The following DNAH10 variants were observed in gnomAD, a reference collection of about 807,000 sequenced individuals.
The protein encoded by DNAH10 is axonemal beta dynein heavy chain 10.
In DNAH10, 348 loss-of-function variants were observed where a neutral mutation model predicts 506.6. The observed-to-expected ratio is 0.69, with a 90% CI of 0.63 to 0.75. DNAH10 has a LOEUF of 0.75. DNAH10 is among the 30% of genes least tolerant of loss of function. The probability of loss-of-function intolerance (pLI) is 0.00; values close to 1 mark genes in which losing one functional copy is unlikely to be tolerated. For missense variants in DNAH10, 5,179 were observed against 5,787.1 expected (o/e 0.89, Z 3.41); for synonymous variants, 2,059 against 2,198.6 (o/e 0.94, Z 1.78).
chr12:123,836,534 G>A (rs1208973107), intron 28 of DNAH10, among the ~76,000 whole-genome samples: 2 of 152,344 alleles, frequency 1.3e-5, no homozygotes, highest in African/African-American at 4.8e-5. Flanking sequence ...CACAGTGACT[G>A]TAGTTAGTGT....
chr12:123,814,105 T>A (rs1343292419), intron 21 of DNAH10, 193 bp downstream of exon 21: 2 of 523,722 alleles, frequency 3.8e-6, no homozygotes, highest in African/African-American at 4.0e-5. Context: ...TCAATCTGTA[T>A]GGCTCAAATG....
intron 14 of DNAH10, 140 bp from the exon 15 acceptor site, chr12:123,800,076 C>T (rs897959241): frequency 3.1e-6 from 2 of 651,874 alleles, no homozygotes; most frequent in African/African-American, 3.7e-5. Flanking sequence ...AATACATATT[C>T]CAGCCAGTTC....
intron 38 of DNAH10, among the ~76,000 whole-genome samples, chr12:123,859,514 A>G (rs1288381835): frequency 6.6e-6 from 1 of 152,226 alleles, no homozygotes; most frequent in Non-Finnish European, 1.5e-5. Context: ...TGAAATGAGA[A>G]TTTCACAAAC....
rs751563692 is a variant in DNAH10, at chr12:123,910,523, T to C, written c.9998-13T>C. 2.5e-6 allele frequency: 4 copies of C among 1,604,142 alleles called. No individual in the cohort carries two copies. In the African/African-American group the frequency reaches 5.4e-5, roughly 22 times the overall value. The stretch of plus-strand genomic sequence containing the variant: ...CTTGCCACTCATAAAAATTATTGCA[T>C]GTTTCACGTTAGGCCTCTTGAAGAC... On this transcript the variant is annotated splice_polypyrimidine_tract_variant and intron_variant, in intron 58 of 78. Transcript: ENST00000673944.
chr12:123,790,689 A>G (rs1291524322), intron 11 of DNAH10, among the ~76,000 whole-genome samples: 1 of 152,188 alleles, frequency 6.6e-6, no homozygotes, highest in Non-Finnish European at 1.5e-5. Context: ...CATAACACAT[A>G]TGGGTAGTAG....
At chr12:123,893,983 T>A (rs1457790613) in intron 53 of DNAH10, among the ~76,000 whole-genome samples, 1 of 151,830 alleles carries the variant, frequency 6.6e-6, no homozygotes, top group East Asian at 1.9e-4. Flanking sequence ...CTGCTTTTGA[T>A]GAACTAGATT....
rs1244327811 is a variant in DNAH10 at position 123,808,848 on chromosome 12, C to T, written c.3039C>T (p.His1013=). ...SLILGNVPLF[H]TETILTAPEI... Reference sequence around the variant, plus strand: ...TCCTTGGAAATGTCCCTCTGTTCCACACTGAAACCATTCTGACGGCACCTG... The same window carrying T: ...TCCTTGGAAATGTCCCTCTGTTCCATACTGAAACCATTCTGACGGCACCTG... Residue 1013 remains histidine, a synonymous_variant, in exon 19 of 79, where the codon CAC becomes CAT. Transcript: ENST00000673944. 6.2e-7 allele frequency: 1 copy of T among 1,614,058 alleles called. No homozygotes were observed. Among genetic ancestry groups the T allele is most frequent in the Non-Finnish European group, 8.5e-7 (1 of 1,180,022 alleles).
chr12:123,881,945 T>C (rs1952529732), intron 51 of DNAH10, 132 bp downstream of exon 51: 5 of 908,652 alleles, frequency 5.5e-6, no homozygotes, highest in Non-Finnish European at 7.3e-6. Flanking sequence ...GTGGGTGTTT[T>C]GGTTTGTTTT....
In DNAH10 at chr12:123,900,788, G is replaced by A. The variant is rs536369304; in HGVS notation, c.9640+1974G>A. ...CCCTTTCTTGGCTCTGCTGTCTTCC[G>A]TTTGGGCTTCATCTCAGGCAGCCGG... On this transcript the variant is annotated intron_variant, in intron 56 of 78. Transcript: ENST00000673944. Among the ~76,000 whole-genome samples, 9 of 152,190 alleles carry A rather than the reference G, an allele frequency of 5.9e-5. No individual in the cohort carries two copies. The South Asian group carries it at 1.5e-3, about 25-fold the overall frequency.
At chr12:123,897,480 T>C (rs570819197) in intron 54 of DNAH10, among the ~76,000 whole-genome samples, 1 of 152,320 alleles carries the variant, frequency 6.6e-6, no homozygotes, top group South Asian at 2.1e-4. Flanking sequence ...TCCCAGCACT[T>C]TGTGGGGCTG....
intron 5 of DNAH10, among the ~76,000 whole-genome samples, chr12:123,777,724 C>T (rs10846556): frequency 0.74 from 112,128 of 152,078 alleles, 41,999 homozygotes; most frequent in East Asian, 1. Flanking sequence ...TGGCTCACTG[C>T]AGCCTTAACC....
At chr12:123,817,099 C>CTTTTT (rs755698934) in intron 21 of DNAH10, among the ~76,000 whole-genome samples, 11 of 87,008 alleles carry the variant, frequency 1.3e-4, no homozygotes, top group Non-Finnish European at 2.3e-4. Context: ...TCCAGTCTAA[C>CTTTTT]TTTTTTTTTT....
At chr12:123,878,034 CTTA>C in intron 48 of DNAH10, 126 bp downstream of exon 48, 3 of 1,280,534 alleles carry the variant, frequency 2.3e-6, no homozygotes, top group Non-Finnish European at 3.2e-6. Flanking sequence ...AATGTCTTTG[CTTA>C]TGTTGAAGAA....
At chr12:123,912,483 G>T (rs1252018053) in intron 59 of DNAH10, among the ~76,000 whole-genome samples, 3 of 89,628 alleles carry the variant, frequency 3.3e-5, no homozygotes, top group South Asian at 9.7e-4. Context: ...CTGGGGGGGG[G>T]TCTGTCCTGG....
At chr12:123,898,900 C>T in intron 56 of DNAH10, 86 bp downstream of exon 56, 1 of 1,468,600 alleles carries the variant, frequency 6.8e-7, no homozygotes, top group Non-Finnish European at 9.0e-7. Context: ...GGCAGCCCAT[C>T]CCGAGCAGGA....
At chr12:123,793,137 G>T (rs1367355771) in intron 11 of DNAH10, among the ~76,000 whole-genome samples, 1 of 152,062 alleles carries the variant, frequency 6.6e-6, no homozygotes, top group Non-Finnish European at 1.5e-5. Context: ...GGGTGGGAGG[G>T]ATTGAGGCTG....
At chr12:123,816,204 C>G (rs1349518945) in intron 21 of DNAH10, among the ~76,000 whole-genome samples, 1 of 152,202 alleles carries the variant, frequency 6.6e-6, no homozygotes, top group Non-Finnish European at 1.5e-5. Context: ...ACAAGAGTGT[C>G]TTTTGTATGC....
intron 17 of DNAH10, among the ~76,000 whole-genome samples, chr12:123,804,026 T>G (rs1301546889): frequency 1.3e-5 from 2 of 152,204 alleles, no homozygotes; most frequent in African/African-American, 4.8e-5. Context: ...TTTTATATAT[T>G]GCTTAGTTTA....
In DNAH10 at chr12:123,929,355, G is replaced by A. The variant is rs767138592; in HGVS notation, c.12387G>A (p.Gln4129=). Residue 4129 remains glutamine (Q), a synonymous_variant, in exon 71 of 79, where the codon CAG becomes CAA. Coordinates refer to ENST00000673944, the MANE Select transcript of DNAH10 (RefSeq NM_001372106.1). ...AGATCTCTCACGAAATGCTGGACCA[G>A]TGCCCGCACCCTGCCTTCAAGCCGC... is the stretch of plus-strand genomic sequence containing the variant. ...YFKISHEMLD[Q]CPHPAFKPLV... is the part of the protein sequence containing the mutation. The A allele has an allele frequency of 6.2e-7, 1 of 1,610,614 alleles. No homozygotes were observed. Among genetic ancestry groups the A allele is most frequent in the South Asian group, 1.1e-5 (1 of 90,110 alleles).
Sources: allele counts gnomAD v4.1 joint callset (sites outside exome capture counted in the v4.1 genomes callset), GRCh38; gene constraint gnomAD v4.1.1; transcripts MANE v1.5; gene names NCBI Gene and HGNC (gene_info 2026-07-23, HGNC 2026-07-21).